NFASC: variants seen among roughly 807,000 people sequenced by gnomAD.
NFASC encodes the protein neurofascin, also known as neurofascin homolog.
A neutral mutation model predicts 147.5 loss-of-function variants in NFASC; 43 were observed. The observed-to-expected ratio is 0.29, with a 90% CI of 0.23 to 0.38. The LOEUF (loss-of-function observed/expected upper bound fraction) is 0.38, where lower values mean the gene tolerates loss of function less well. Among genes scored for constraint, NFASC ranks in the 10% least tolerant of loss-of-function variants. The pLI, the probability that NFASC is intolerant of heterozygous loss-of-function variation, is 1.00. For missense variants in NFASC, 1,320 were observed against 1,689.0 expected (o/e 0.78, Z 3.83); for synonymous variants, 622 against 665.5 (o/e 0.93, Z 1.01).
intron 1 of NFASC, among the ~76,000 whole-genome samples, chr1:204,841,107 A>G (rs1198016696): frequency 6.6e-6 from 1 of 152,212 alleles, no homozygotes; most frequent in African/African-American, 2.4e-5. Flanking sequence ...GCCTGCATCT[A>G]CAGAATAACA....
intron 2 of NFASC, chr1:204,929,395 G>C (rs1436669569): frequency 6.6e-6 from 1 of 152,300 alleles, no homozygotes; most frequent in African/African-American, 2.4e-5. Context: ...AGGGTTTCCT[G>C]GGCTAAGTGA....
intron 1 of NFASC, among the ~76,000 whole-genome samples, chr1:204,829,218 C>T (rs1671504783): frequency 6.6e-6 from 1 of 150,686 alleles, no homozygotes; most frequent in Admixed American, 6.6e-5. Flanking sequence ...TATTCTCTTC[C>T]CCATCTCATG....
At chr1:204,890,716 C>T (rs558528944) in intron 1 of NFASC, among the ~76,000 whole-genome samples, 2 of 152,122 alleles carry the variant, frequency 1.3e-5, no homozygotes, top group Non-Finnish European at 2.9e-5. Flanking sequence ...ATTACAGGCG[C>T]CCACCACCAC....
chr1:204,829,442 G>A (rs1314769791), intron 1 of NFASC, among the ~76,000 whole-genome samples: 1 of 151,948 alleles, frequency 6.6e-6, no homozygotes. Flanking sequence ...CTGGTGCTGT[G>A]TGGAGCCATA....
intron 1 of NFASC, among the ~76,000 whole-genome samples, chr1:204,870,120 G>A (rs2077469361): frequency 6.6e-6 from 1 of 152,218 alleles, no homozygotes; most frequent in African/African-American, 2.4e-5. Flanking sequence ...GTCCATCTCA[G>A]AGGAAGCAGG....
chr1:204,880,219 T>G, intron 1 of NFASC, among the ~76,000 whole-genome samples: 1 of 152,208 alleles, frequency 6.6e-6, no homozygotes, highest in Non-Finnish European at 1.5e-5. Flanking sequence ...CAGCTCTACC[T>G]GCGTGAGCTA....
At chr1:204,944,671 A>G in intron 3 of NFASC, 1 of 450,180 alleles carries the variant, frequency 2.2e-6, no homozygotes, top group Non-Finnish European at 3.9e-6. Context: ...GCTGAGTGGG[A>G]CTAGAGGTGG....
intron 1 of NFASC, among the ~76,000 whole-genome samples, chr1:204,852,950 G>C (rs913624467): frequency 6.6e-6 from 1 of 152,170 alleles, no homozygotes; most frequent in African/African-American, 2.4e-5. Flanking sequence ...CCATGGACTT[G>C]AATTCAAGAC....
intron 1 of NFASC, among the ~76,000 whole-genome samples, chr1:204,882,327 T>C (rs2080420719): frequency 6.6e-6 from 1 of 152,182 alleles, no homozygotes; most frequent in African/African-American, 2.4e-5. Flanking sequence ...TGCCCCACAG[T>C]TCCCCCTGCT....
Position 205,018,552 on chromosome 1 carries a change from G to C in NFASC, c.*2013G>C, listed in dbSNP as rs2096379189. ...CTAGGGCTGCTGCCTGGACGCCTGAGGGGCAGCTTATCACAGTGCAAGGGG... is the reference window on the plus strand; with the variant it reads ...CTAGGGCTGCTGCCTGGACGCCTGACGGGCAGCTTATCACAGTGCAAGGGG... On this transcript the variant is annotated 3_prime_UTR_variant, in exon 30 of 30. Coordinates refer to ENST00000339876, the MANE Select transcript of NFASC (RefSeq NM_001005388.3). The C allele has an allele frequency of 6.5e-6, 1 of 152,714 alleles. No homozygotes were observed. The highest frequency in any genetic ancestry group is 2.4e-5 in the African/African-American group (1 of 41,466). 9.5% of individuals were successfully genotyped at this position (152,714 alleles called of 1,614,324 possible). A position where few individuals can be genotyped will look rare whatever the true frequency, so the allele number is the denominator to read the frequency against.
intron 1 of NFASC, among the ~76,000 whole-genome samples, chr1:204,843,916 T>C (rs965967170): frequency 2.6e-5 from 4 of 152,070 alleles, no homozygotes; most frequent in Non-Finnish European, 5.9e-5. Flanking sequence ...ACGGGGGTTT[T>C]TAGTACAGAC....
At chr1:204,904,297 C>T (rs2085303489) in intron 1 of NFASC, among the ~76,000 whole-genome samples, 1 of 152,080 alleles carries the variant, frequency 6.6e-6, no homozygotes, top group Non-Finnish European at 1.5e-5. Context: ...GGGGTTTTGC[C>T]GTGTTGCCCA....
intron 1 of NFASC, among the ~76,000 whole-genome samples, chr1:204,838,535 G>A (rs953496320): frequency 2.0e-5 from 3 of 152,200 alleles, no homozygotes; most frequent in African/African-American, 7.2e-5. Flanking sequence ...AAAGCCGAGG[G>A]AAGGCTCCTT....
At chr1:204,834,445 C>G (rs1283855762) in intron 1 of NFASC, among the ~76,000 whole-genome samples, 1 of 152,042 alleles carries the variant, frequency 6.6e-6, no homozygotes, top group Non-Finnish European at 1.5e-5. Flanking sequence ...GCCCTCACTC[C>G]CCTATCATCC....
chr1:204,962,088 C>T lies in NFASC; in HGVS notation c.706+4262C>T, dbSNP rs754675012. The T allele has an allele frequency of 4.2e-5, 67 of 1,608,796 alleles. No homozygotes were observed. The East Asian group carries it at 1.5e-3, about 35-fold the overall frequency. On this transcript the variant is annotated intron_variant, in intron 8 of 29. Transcript: ENST00000339876. Reference sequence around the variant, plus strand: ...TTCTCCGTGGCCTCCTGTTTGCTCACCCTCTTTTGTTTGTTACAGACCACC... The same window carrying T: ...TTCTCCGTGGCCTCCTGTTTGCTCATCCTCTTTTGTTTGTTACAGACCACC...
At chr1:204,999,278 G>A (rs1288816313) in intron 25 of NFASC, 1 of 151,970 alleles carries the variant, frequency 6.6e-6, no homozygotes, top group Non-Finnish European at 1.5e-5. Context: ...TCATCATCCT[G>A]ATCTCTCTGT....
intron 1 of NFASC, among the ~76,000 whole-genome samples, chr1:204,889,670 G>A (rs151250340): frequency 3.3e-3 from 509 of 152,224 alleles, no homozygotes; most frequent in Non-Finnish European, 4.9e-3. Flanking sequence ...TAGTCTAGAC[G>A]TCCGCCCCCA....
At chr1:205,000,650 A>G (rs1242277972) in intron 25 of NFASC, 1 of 175,388 alleles carries the variant, frequency 5.7e-6, no homozygotes, top group African/African-American at 2.4e-5. Flanking sequence ...CAAATGGCAC[A>G]GATCAAAACC....
chr1:204,927,317 G>A (rs1447856116), intron 2 of NFASC, among the ~76,000 whole-genome samples: 1 of 152,182 alleles, frequency 6.6e-6, no homozygotes, highest in Non-Finnish European at 1.5e-5. Flanking sequence ...CATATAAATG[G>A]AATCATACAA....
Sources: gnomAD v4.1 joint callset for allele counts (sites outside exome capture counted in the v4.1 genomes callset) on GRCh38, gnomAD v4.1.1 for gene constraint, MANE v1.5 for transcripts, NCBI Gene and HGNC (gene_info 2026-07-23, HGNC 2026-07-21) for gene names.